Variants in MAP3K5 observed in about 807,000 individuals in gnomAD.
MAP3K5 encodes the protein mitogen-activated protein kinase kinase kinase 5, also known as ASK-1.
MAP3K5 carries 56 observed loss-of-function variants against 158.7 expected under a neutral mutation model. The ratio of observed to expected loss-of-function variants is 0.35; its 90% CI spans 0.28 to 0.44. The LOEUF is 0.44. Among genes scored for constraint, MAP3K5 ranks in the 20% least tolerant of loss-of-function variants. MAP3K5 has a pLI of 1.00. For synonymous variants in MAP3K5, 579 were observed against 601.7 expected (o/e 0.96, Z 0.55); for missense variants, 1,294 against 1,674.8 (o/e 0.77, Z 3.97).
intron 21 of MAP3K5, among the ~76,000 whole-genome samples, chr6:136,598,499 C>T (rs1208840779): frequency 6.6e-6 from 1 of 152,242 alleles, no homozygotes; most frequent in Non-Finnish European, 1.5e-5. Context: ...CAGGGCCTAG[C>T]ACATTTCCTG....
At chr6:136,659,173 T>C (rs748889649) in intron 9 of MAP3K5, 46 bp downstream of exon 9, 2 of 1,455,838 alleles carry the variant, frequency 1.4e-6, no homozygotes, top group Non-Finnish European at 1.9e-6. Context: ...GGGAACAATA[T>C]GGAGCTGTTT....
At chr6:136,626,866 G>A (rs1777061746) in intron 14 of MAP3K5, among the ~76,000 whole-genome samples, 1 of 151,986 alleles carries the variant, frequency 6.6e-6, no homozygotes, top group African/African-American at 2.4e-5. Context: ...ATTTACAAAT[G>A]ATCAGAAATT....
chr6:136,669,271 A>C lies in MAP3K5; in HGVS notation c.1366+12T>G, dbSNP rs1158688674. 6.4e-7 allele frequency: 1 copy of C among 1,565,254 alleles called. No homozygotes were observed. On this transcript the variant is annotated intron_variant, in intron 8 of 29. Transcript: ENST00000359015. The stretch of plus-strand genomic sequence containing the variant: ...TTCTTGATTTCCATGTAAAATATCA[A>C]GTTGTAATTACCAACTTTCCGGAGC...
chr6:136,631,554 C>T (rs1777355142), intron 14 of MAP3K5, among the ~76,000 whole-genome samples: 1 of 150,770 alleles, frequency 6.6e-6, no homozygotes. Context: ...GCTCTGTCAC[C>T]AAGGCTGGAG....
In MAP3K5 at chr6:136,609,415, GTCTC is replaced by G; in HGVS notation, c.2521+1863_2521+1866del. On this transcript the variant is annotated intron_variant, in intron 18 of 29. Coordinates refer to ENST00000359015, the MANE Select transcript of MAP3K5 (RefSeq NM_005923.4). The surrounding 1 kb of genome is among the most constrained non-coding windows in gnomAD (Gnocchi z 4.4). The stretch of plus-strand genomic sequence containing the variant: ...TCTAGGGAAAAAACTTACACAGAAT[GTCTC>G]TCTCTCCTCCTGCAGGAAGGTAGAG... Among the ~76,000 whole-genome samples, 1 of 152,240 alleles carries G rather than the reference GTCTC, an allele frequency of 6.6e-6. No homozygotes were observed. Among genetic ancestry groups the G allele is most frequent in the Middle Eastern group, 3.4e-3 (1 of 294 alleles).
chr6:136,608,670 T>C (rs899443996), intron 18 of MAP3K5, among the ~76,000 whole-genome samples: 3 of 152,208 alleles, frequency 2.0e-5, no homozygotes, highest in African/African-American at 7.2e-5. Flanking sequence ...TTTGTGACCT[T>C]GGGCAAGTTA....
upstream of MAP3K5, chr6:136,792,541 C>CCGCCGCGCCGCGCCG (rs5880308): frequency 6.1e-6 from 1 of 165,134 alleles, no homozygotes; most frequent in Non-Finnish European, 1.2e-5. This position sits in a 1 kb window ranked among gnomAD's most constrained non-coding sequence, Gnocchi z 5.7. Flanking sequence ...CCCTCGCCAC[C>CCGCCGCGCCGCGCCG]CGCCGCGCCG....
At chr6:136,636,965 G>A in intron 14 of MAP3K5, 1 of 1,034,174 alleles carries the variant, frequency 9.7e-7, no homozygotes, top group Non-Finnish European at 1.2e-6. Context: ...CTGCCACAAG[G>A]GTGCTATCAA....
At chr6:136,566,815 C>A (rs540797916) in intron 26 of MAP3K5, among the ~76,000 whole-genome samples, 53 of 152,294 alleles carry the variant, frequency 3.5e-4, no homozygotes, top group Non-Finnish European at 3.5e-4. Context: ...CCTTTAAAAA[C>A]CTAAACTTTA....
chr6:136,704,265 T>C (rs978516456), intron 3 of MAP3K5, among the ~76,000 whole-genome samples: 3 of 152,196 alleles, frequency 2.0e-5, no homozygotes, highest in African/African-American at 7.2e-5. Context: ...ATAAGCTAGC[T>C]ATCAGTATTG....
At chr6:136,684,240 G>A (rs1229179026) in intron 7 of MAP3K5, among the ~76,000 whole-genome samples, 1 of 151,666 alleles carries the variant, frequency 6.6e-6, no homozygotes, top group Non-Finnish European at 1.5e-5. Context: ...AAAAAAAAAG[G>A]AAGAAAAATG....
chr6:136,750,306 G>A (rs752852819), intron 1 of MAP3K5, among the ~76,000 whole-genome samples: 2 of 152,176 alleles, frequency 1.3e-5, no homozygotes, highest in Non-Finnish European at 2.9e-5. Context: ...TCGAACTCCT[G>A]GCCTCAAGTG....
At chr6:136,697,470 T>A in intron 4 of MAP3K5, 83 bp from the exon 5 acceptor site, 1 of 1,136,808 alleles carries the variant, frequency 8.8e-7, no homozygotes, top group Non-Finnish European at 1.3e-6. Context: ...AAGACATGAA[T>A]GATATTGCAG....
chr6:136,764,621 A>G (rs1034484267), intron 1 of MAP3K5, among the ~76,000 whole-genome samples: 9 of 152,208 alleles, frequency 5.9e-5, no homozygotes, highest in Non-Finnish European at 1.2e-4. Flanking sequence ...AGATAATAAC[A>G]GGTTGTTGTT....
Position 136,642,697 on chromosome 6 carries a change from A to G in MAP3K5, c.1789-128T>C, listed in dbSNP as rs1253560679. 9.7e-5 allele frequency: 65 copies of G among 669,014 alleles called. No homozygotes were observed. The East Asian group carries it at 1.7e-3, about 17-fold the overall frequency. The allele number at this position is 669,014 out of a possible 1,614,324, so 41.4% of individuals were successfully genotyped here. ...TTCCTGGTACACTATTTTTCATGAA[A>G]GAATTATCTGGATGGAAAGCACAAT... On this transcript the variant is annotated intron_variant, in intron 11 of 29. Transcript: ENST00000359015.
chr6:136,719,063 C>G lies in MAP3K5; in HGVS notation c.588+1387G>C, dbSNP rs138057598. Among the ~76,000 whole-genome samples, 130 of 152,222 alleles carry G rather than the reference C, an allele frequency of 8.5e-4. 2 individuals carry two copies. The East Asian group carries it at 0.015, about 18-fold the overall frequency. On this transcript the variant is annotated intron_variant, in intron 2 of 29. Coordinates refer to ENST00000359015, the MANE Select transcript of MAP3K5 (RefSeq NM_005923.4). The stretch of plus-strand genomic sequence containing the variant: ...AGGTAGCATGCATCTGTAGTCCCAG[C>G]TACTCAGGAGGCTGAGGAGGGAGGA...
At chr6:136,600,219 C>A (rs1333742154) in intron 21 of MAP3K5, among the ~76,000 whole-genome samples, 7 of 141,438 alleles carry the variant, frequency 4.9e-5, no homozygotes, top group Non-Finnish European at 9.0e-5. Flanking sequence ...GAGACAGGGT[C>A]TCGCTCTGTC....
chr6:136,792,755 C>T (rs983524419), upstream of MAP3K5, among the ~76,000 whole-genome samples: 10 of 152,194 alleles, frequency 6.6e-5, no homozygotes, highest in Admixed American at 2.0e-4. This position sits in a 1 kb window ranked among gnomAD's most constrained non-coding sequence, Gnocchi z 5.7. Flanking sequence ...TGGATTTCCT[C>T]CTCCTTGCCT....
At chr6:136,629,155 A>G (rs1777187778) in intron 14 of MAP3K5, 1 of 152,230 alleles carries the variant, frequency 6.6e-6, no homozygotes, top group South Asian at 2.1e-4. Flanking sequence ...GAATCAGTGT[A>G]GGAAGGCAAC....
Sources: allele counts gnomAD v4.1 joint callset (sites outside exome capture counted in the v4.1 genomes callset), GRCh38; gene constraint gnomAD v4.1.1; non-coding constraint Gnocchi (gnomAD v3.1); transcripts MANE v1.5; gene names NCBI Gene and HGNC (gene_info 2026-07-23, HGNC 2026-07-21).